Variants in PRCP observed in about 807,000 individuals in gnomAD.
PRCP encodes the protein prolylcarboxypeptidase, also known as lysosomal Pro-X carboxypeptidase.
In PRCP, 46 loss-of-function variants were observed where a neutral mutation model predicts 54.2. The ratio of observed to expected loss-of-function variants is 0.85; its 90% CI spans 0.67 to 1.09. PRCP has a LOEUF of 1.09. PRCP is among the 50% of genes least tolerant of loss of function. The pLI is 0.00. For synonymous variants in PRCP, 240 were observed against 212.2 expected, an observed-to-expected ratio of 1.13 and a Z score of -1.14; for missense variants, 613 against 596.8, an observed-to-expected ratio of 1.03 and a Z score of -0.28.
intron 1 of PRCP, among the ~76,000 whole-genome samples, chr11:82,881,243 T>G (rs1010334012): frequency 4.6e-5 from 7 of 152,228 alleles, no homozygotes; most frequent in Admixed American, 2.0e-4. Flanking sequence ...TTATTTCTAT[T>G]AAGAAATCTT....
intron 1 of PRCP, among the ~76,000 whole-genome samples, chr11:82,866,630 C>G (rs532649528): frequency 6.6e-6 from 1 of 152,208 alleles, no homozygotes; most frequent in African/African-American, 2.4e-5. Flanking sequence ...ATTTAGTGCC[C>G]CAGCCTCCTA....
At chr11:82,876,210 T>G (rs754492799) in intron 1 of PRCP, among the ~76,000 whole-genome samples, 38 of 152,302 alleles carry the variant, frequency 2.5e-4, no homozygotes, top group South Asian at 4.1e-4. Flanking sequence ...AAGTCCCACG[T>G]TGAAATGCTG....
chr11:82,848,504 G>A (rs1462189050), intron 6 of PRCP, among the ~76,000 whole-genome samples: 1 of 152,198 alleles, frequency 6.6e-6, no homozygotes, highest in African/African-American at 2.4e-5. Flanking sequence ...AAGTGAAGCA[G>A]CAGTTCTGGA....
intron 1 of PRCP, among the ~76,000 whole-genome samples, chr11:82,871,980 C>A (rs1260126621): frequency 6.6e-6 from 1 of 152,160 alleles, no homozygotes; most frequent in African/African-American, 2.4e-5. Flanking sequence ...TTCAGTTACC[C>A]ATGGTCAACC....
intron 1 of PRCP, among the ~76,000 whole-genome samples, chr11:82,888,133 T>C (rs1469680172): frequency 6.6e-6 from 1 of 152,234 alleles, no homozygotes; most frequent in Non-Finnish European, 1.5e-5. Flanking sequence ...GCATTGACCA[T>C]GACCCTTATG....
At chr11:82,896,313 T>A (rs770983828) in intron 1 of PRCP, among the ~76,000 whole-genome samples, 9 of 152,140 alleles carry the variant, frequency 5.9e-5, no homozygotes, top group African/African-American at 1.9e-4. Context: ...ATTTTTTGGA[T>A]GAGATTAACA....
Position 82,849,136 on chromosome 11 carries a change from C to A in PRCP, c.834G>T (p.Trp278Cys), listed in dbSNP as rs749259047. 6.2e-7 allele frequency: 1 copy of A among 1,614,102 alleles called. No individual in the cohort carries two copies. Among genetic ancestry groups the A allele is most frequent in the Non-Finnish European group, 8.5e-7 (1 of 1,179,976 alleles). The change falls in exon 6 of 9, where the codon TGG (tryptophan) becomes TGT (cysteine). Residue 278 changes from tryptophan (W) to cysteine (C), a missense_variant. Coordinates refer to ENST00000313010, the MANE Select transcript of PRCP (RefSeq NM_005040.4). ...CCAGATTCACCCAGGTTTCAGAGAT[C>A]CAGTCTTTCAAATGTTGGATGTCCT... ...TSQDIQHLKDWISETWVNLAM... is the reference protein window; with the variant it reads ...TSQDIQHLKDCISETWVNLAM...
chr11:82,888,093 T>C (rs1859909289), intron 1 of PRCP, among the ~76,000 whole-genome samples: 1 of 152,214 alleles, frequency 6.6e-6, no homozygotes, highest in Non-Finnish European at 1.5e-5. Flanking sequence ...GTTATGCTTT[T>C]CTCTTGTTAA....
At chr11:82,832,225 T>C (rs767804592) in intron 8 of PRCP, among the ~76,000 whole-genome samples, 1 of 152,202 alleles carries the variant, frequency 6.6e-6, no homozygotes. Flanking sequence ...TTTGAATATA[T>C]ACCTAGGAAT....
At chr11:82,838,701 A>G (rs1565218851) in intron 7 of PRCP, 127 bp from the exon 8 acceptor site, 4 of 830,900 alleles carry the variant, frequency 4.8e-6, no homozygotes, top group African/African-American at 3.5e-5. Context: ...GGCAGCTTCA[A>G]CGCCCTGTTC....
chr11:82,882,536 C>T (rs973718088), intron 1 of PRCP, among the ~76,000 whole-genome samples: 8 of 143,952 alleles, frequency 5.6e-5, no homozygotes, highest in African/African-American at 2.2e-4. Flanking sequence ...CGCTCTGTCG[C>T]CCAGGCTGGA....
intron 1 of PRCP, among the ~76,000 whole-genome samples, chr11:82,861,175 A>G (rs1859200123): frequency 6.6e-6 from 1 of 152,162 alleles, no homozygotes; most frequent in Non-Finnish European, 1.5e-5. Flanking sequence ...GGGAATTAAA[A>G]AGTAAAAAAT....
chr11:82,838,381 A>C lies in PRCP; in HGVS notation c.1274+6T>G. On this transcript the variant is annotated splice_donor_region_variant and intron_variant, in intron 8 of 8. Transcript: ENST00000313010. ...TGAAGTTTATCTTTGGACAGCAAAA[A>C]CTCACCTGAAAACAATGTTTGTGTG... 1 of 1,596,876 alleles carries C rather than the reference A, an allele frequency of 6.3e-7. No homozygotes were observed. Among genetic ancestry groups the C allele is most frequent in the Non-Finnish European group, 8.5e-7 (1 of 1,172,422 alleles).
intron 8 of PRCP, chr11:82,837,082 T>C: frequency 4.5e-6 from 1 of 223,004 alleles, no homozygotes. Context: ...ATGTCACACA[T>C]GCCAATCACC....
At chr11:82,892,947 A>C (rs1303699493) in intron 1 of PRCP, among the ~76,000 whole-genome samples, 1 of 152,196 alleles carries the variant, frequency 6.6e-6, no homozygotes, top group Non-Finnish European at 1.5e-5. Context: ...CATACAAAAG[A>C]CACCAGATCA....
chr11:82,832,548 GTTAT>G (rs1178386874), intron 8 of PRCP, among the ~76,000 whole-genome samples: 3 of 152,116 alleles, frequency 2.0e-5, no homozygotes, highest in South Asian at 2.1e-4. Flanking sequence ...TTCTGATGGG[GTTAT>G]TTGTTTTTCT....
intron 8 of PRCP, chr11:82,836,575 ATC>A (rs1369033209): frequency 1.3e-5 from 2 of 152,604 alleles, no homozygotes; most frequent in African/African-American, 4.8e-5. Context: ...TTGAGACAAG[ATC>A]TGGCTCTATT....
Position 82,838,422 on chromosome 11 carries a change from G to T in PRCP, c.1239C>A (p.Gly413=), listed in dbSNP as rs1293193684. 6.2e-7 allele frequency: 1 copy of T among 1,610,596 alleles called. No individual in the cohort carries two copies. The highest frequency in any genetic ancestry group is 8.5e-7 in the Non-Finnish European group (1 of 1,178,952). The change falls in exon 8 of 9, where the codon GGC becomes GGA. Residue 413 remains glycine (G), a synonymous_variant. Coordinates refer to ENST00000313010, the MANE Select transcript of PRCP (RefSeq NM_005040.4). ...RPSWITTMYG[G]KNISSHTNIV... ...TGTTTGTGTGTGAACTAATGTTTTT[G>T]CCTCCATACATAGTAGTGATCCAGG...
intron 1 of PRCP, among the ~76,000 whole-genome samples, chr11:82,875,244 C>A (rs1255960217): frequency 6.6e-6 from 1 of 152,192 alleles, no homozygotes; most frequent in Non-Finnish European, 1.5e-5. Flanking sequence ...CCACAAAGTG[C>A]AAAACACAAT....
Sources: allele counts gnomAD v4.1 joint callset (sites outside exome capture counted in the v4.1 genomes callset), GRCh38; gene constraint gnomAD v4.1.1; transcripts MANE v1.5; gene names NCBI Gene and HGNC (gene_info 2026-07-23, HGNC 2026-07-21).